Variants in ATP8A1 observed in about 807,000 individuals in gnomAD.
ATP8A1 encodes the protein phospholipid-transporting ATPase IA.
Under a neutral mutation model 177.7 loss-of-function variants are expected in ATP8A1, and 90 were observed. That is an observed-to-expected ratio of 0.51 (90% confidence interval 0.43 to 0.60). The LOEUF is 0.60. Ranked by LOEUF, ATP8A1 falls within the 20% of genes least tolerant of loss-of-function variation. The pLI is 0.00. For synonymous variants in ATP8A1, 493 were observed against 485.9 expected, an observed-to-expected ratio of 1.01 and a Z score of -0.19; for missense variants, 1,072 against 1,392.8, an observed-to-expected ratio of 0.77 and a Z score of 3.67.
intron 17 of ATP8A1, 23 bp from the exon 18 acceptor site, chr4:42,551,303 A>G (rs1729476568): frequency 3.2e-6 from 5 of 1,552,210 alleles, no homozygotes; most frequent in South Asian, 2.2e-5. Context: ...AAGAGGTAAA[A>G]GCAAACACAT....
chr4:42,450,393 G>C (rs1050105853), intron 30 of ATP8A1, among the ~76,000 whole-genome samples: 2 of 152,204 alleles, frequency 1.3e-5, no homozygotes, highest in South Asian at 4.1e-4. Flanking sequence ...TCGGGCATCA[G>C]ATAGTGGTGA....
intron 5 of ATP8A1, among the ~76,000 whole-genome samples, chr4:42,608,269 A>G (rs1460115218): frequency 1.5e-5 from 1 of 66,460 alleles, no homozygotes; most frequent in Non-Finnish European, 4.0e-5. Flanking sequence ...TGAGAGAAGC[A>G]CGCCTCCCAC....
At chr4:42,467,727 G>T (rs1719945321) in intron 25 of ATP8A1, among the ~76,000 whole-genome samples, 1 of 152,098 alleles carries the variant, frequency 6.6e-6, no homozygotes, top group Non-Finnish European at 1.5e-5. Flanking sequence ...CTTGGAATAA[G>T]ATTGAAGACA....
intron 1 of ATP8A1, among the ~76,000 whole-genome samples, chr4:42,636,141 C>A (rs1280326053): frequency 2.0e-4 from 8 of 39,728 alleles, no homozygotes; most frequent in African/African-American, 6.1e-4. Flanking sequence ...CACACACACA[C>A]ACACACACAC....
chr4:42,609,185 A>G (rs962733860), intron 5 of ATP8A1, among the ~76,000 whole-genome samples: 7 of 151,806 alleles, frequency 4.6e-5, no homozygotes, highest in Admixed American at 2.0e-4. Flanking sequence ...TAAAAGCACG[A>G]CCCCCTCACC....
At chr4:42,641,142 C>A (rs1739944576) in intron 1 of ATP8A1, among the ~76,000 whole-genome samples, 1 of 151,784 alleles carries the variant, frequency 6.6e-6, no homozygotes, top group Admixed American at 6.6e-5. Context: ...GGACACATGA[C>A]ACGATTAATC....
chr4:42,588,518 T>C (rs1369887905), intron 7 of ATP8A1, 189 bp from the exon 8 acceptor site: 3 of 500,132 alleles, frequency 6.0e-6, no homozygotes, highest in African/African-American at 5.8e-5. Context: ...AACTCACGGA[T>C]TAGCTTTTCA....
intron 33 of ATP8A1, among the ~76,000 whole-genome samples, chr4:42,431,529 G>A (rs1271098488): frequency 6.6e-6 from 1 of 152,050 alleles, no homozygotes; most frequent in South Asian, 2.1e-4. Context: ...GCTGTGAATG[G>A]AATCTTTCAT....
intron 6 of ATP8A1, among the ~76,000 whole-genome samples, chr4:42,599,840 G>A (rs552183079): frequency 2.0e-5 from 3 of 152,306 alleles, no homozygotes; most frequent in East Asian, 3.9e-4. Flanking sequence ...ATTTGTGGAT[G>A]ACTAGATTTT....
At chr4:42,422,971 C>A in intron 34 of ATP8A1, 72 bp from the exon 35 acceptor site, 2 of 1,181,136 alleles carry the variant, frequency 1.7e-6, no homozygotes, top group Non-Finnish European at 2.4e-6. Flanking sequence ...AGATGTCTGG[C>A]TTATTATCAC....
intron 20 of ATP8A1, among the ~76,000 whole-genome samples, chr4:42,540,273 C>G (rs1021981181): frequency 4.3e-4 from 65 of 151,908 alleles, no homozygotes; most frequent in African/African-American, 1.5e-3. Flanking sequence ...AAAAAGACAA[C>G]AAATAACTGA....
chr4:42,597,782 T>C (rs933228583), intron 6 of ATP8A1, among the ~76,000 whole-genome samples: 2 of 152,164 alleles, frequency 1.3e-5, no homozygotes, highest in African/African-American at 2.4e-5. Context: ...TCAATATAAA[T>C]AGCCAAACTG....
At chr4:42,625,835 G>A in intron 2 of ATP8A1, 122 bp from the exon 3 acceptor site, 2 of 508,046 alleles carry the variant, frequency 3.9e-6, no homozygotes, top group African/African-American at 2.0e-5. Flanking sequence ...TTTCAAATTG[G>A]GAGAATATTG....
chr4:42,644,255 T>C (rs1412362576), intron 1 of ATP8A1, among the ~76,000 whole-genome samples: 1 of 152,182 alleles, frequency 6.6e-6, no homozygotes, highest in Non-Finnish European at 1.5e-5. Context: ...CTTAATAAGT[T>C]CAAGGGGGAT....
intron 22 of ATP8A1, among the ~76,000 whole-genome samples, chr4:42,515,475 G>C (rs1260147126): frequency 6.6e-6 from 1 of 152,132 alleles, no homozygotes; most frequent in East Asian, 1.9e-4. Flanking sequence ...ATGTTGCAAA[G>C]GGCACTAAAT....
At chr4:42,592,948 A>G (rs957394332) in intron 6 of ATP8A1, among the ~76,000 whole-genome samples, 1 of 152,180 alleles carries the variant, frequency 6.6e-6, no homozygotes, top group Non-Finnish European at 1.5e-5. Context: ...CCAAGTGTCC[A>G]ATACATTCAT....
intron 22 of ATP8A1, among the ~76,000 whole-genome samples, chr4:42,520,156 A>T (rs1358681621): frequency 2.0e-5 from 3 of 152,204 alleles, no homozygotes; most frequent in Non-Finnish European, 4.4e-5. Context: ...CCAGAGAGTA[A>T]GGATATTAGG....
intron 16 of ATP8A1, among the ~76,000 whole-genome samples, chr4:42,554,500 C>T (rs147851873): frequency 6.6e-5 from 10 of 152,190 alleles, no homozygotes; most frequent in East Asian, 5.8e-4. Flanking sequence ...TGAAGGCTCG[C>T]GCAGAAAAGA....
intron 25 of ATP8A1, among the ~76,000 whole-genome samples, chr4:42,473,393 G>A (rs1261290807): frequency 6.6e-6 from 1 of 152,056 alleles, no homozygotes; most frequent in Non-Finnish European, 1.5e-5. Flanking sequence ...ATGGATCAAC[G>A]CCATGCCACC....
Sources: allele counts gnomAD v4.1 joint callset (sites outside exome capture counted in the v4.1 genomes callset), GRCh38; gene constraint gnomAD v4.1.1; transcripts MANE v1.5; gene names NCBI Gene and HGNC (gene_info 2026-07-23, HGNC 2026-07-21).